The following FREM2 variants were observed in gnomAD, a reference collection of about 807,000 sequenced individuals.
FREM2 encodes FRAS1-related extracellular matrix protein 2.
Under a neutral mutation model 219.9 loss-of-function variants are expected in FREM2, and 119 were observed. The observed-to-expected ratio is 0.54, with a 90% confidence interval of 0.47 to 0.63. FREM2 has a LOEUF of 0.63. Among genes scored for constraint, FREM2 ranks in the 30% least tolerant of loss-of-function variants. The pLI, the probability that FREM2 is intolerant of heterozygous loss-of-function variation, is 0.00. For missense variants in FREM2, 4,030 were observed against 3,993.6 expected (o/e 1.01, Z -0.25); for synonymous variants, 1,562 against 1,522.8 (o/e 1.03, Z -0.60).
intron 6 of FREM2, among the ~76,000 whole-genome samples, chr13:38,818,909 A>G (rs1875883024): frequency 2.0e-5 from 3 of 152,080 alleles, no homozygotes; most frequent in African/African-American, 7.2e-5. Context: ...AAATGCTAGA[A>G]GAAAGGCTTT....
intron 6 of FREM2, among the ~76,000 whole-genome samples, chr13:38,836,641 A>G (rs1876718892): frequency 6.6e-6 from 1 of 152,160 alleles, no homozygotes; most frequent in Non-Finnish European, 1.5e-5. Flanking sequence ...TGGTCTGTTC[A>G]GGGATTTGAA....
At position 38,783,963 on chromosome 13, in the gene FREM2, C is replaced by T. The variant is rs572689166; in HGVS notation, c.5768-594C>T. On this transcript the variant is annotated intron_variant, in intron 5 of 23. Coordinates refer to ENST00000280481, the MANE Select transcript of FREM2 (RefSeq NM_207361.6). The stretch of plus-strand genomic sequence containing the variant: ...TACAAAAATTAACTGGGCATGGTGG[C>T]GCGCACGCGCCTGTAATCTCAGCTA... 1.5e-3 allele frequency among the ~76,000 whole-genome samples: 221 copies of T among 152,300 alleles called. 1 individual carries two copies. Among genetic ancestry groups the T allele is most frequent in the African/African-American group, 5.1e-3 (211 of 41,582 alleles).
intron 2 of FREM2, among the ~76,000 whole-genome samples, chr13:38,733,978 G>A (rs568625057): frequency 5.3e-5 from 8 of 152,170 alleles, no homozygotes; most frequent in African/African-American, 1.9e-4. Flanking sequence ...GAAAAAAATA[G>A]TTCACTTAAA....
chr13:38,687,253 C>T lies in FREM2; in HGVS notation c.-92C>T. On this transcript the variant is annotated 5_prime_UTR_variant, in exon 1 of 24. Transcript: ENST00000280481. ...ACCCCGCGGGCAACGCGCGGAGTTC[C>T]TGGCACTTCCCGGCGGTGTCTCTTG... The T allele has an allele frequency of 6.6e-7, 1 of 1,526,592 alleles. No homozygotes were observed. The highest frequency in any genetic ancestry group is 8.9e-7 in the Non-Finnish European group (1 of 1,126,626). The allele number at this position is 1,526,592 out of a possible 1,614,324, so 94.6% of individuals were successfully genotyped here.
In FREM2 at chr13:38,883,853, G is replaced by A. The variant is rs1456725292; in HGVS notation, c.*3066G>A. 1 of 152,008 alleles carries A rather than the reference G, an allele frequency of 6.6e-6. No individual in the cohort carries two copies. Among genetic ancestry groups the A allele is most frequent in the Non-Finnish European group, 1.5e-5 (1 of 67,992 alleles). The allele number at this position is 152,008 out of a possible 1,614,324, so 9.4% of individuals were successfully genotyped here. ...TTGTTTGTCTAAAAGAGCCCTACTG[G>A]GTATGGATCATTCTGATGACAGATT... is the stretch of plus-strand genomic sequence containing the variant. On this transcript the variant is annotated 3_prime_UTR_variant, in exon 24 of 24. Transcript: ENST00000280481.
intron 2 of FREM2, among the ~76,000 whole-genome samples, chr13:38,754,955 T>C (rs1252856471): frequency 6.7e-6 from 1 of 149,898 alleles, no homozygotes; most frequent in East Asian, 2.0e-4. Context: ...CAGGCTGGAG[T>C]GCAGTGGTAC....
rs375859126 is a variant in FREM2, at chr13:38,876,265, G to A, written c.8427G>A (p.Gly2809=). Residue 2809 remains glycine, a synonymous_variant, in exon 20 of 24, where the codon GGG becomes GGA. Transcript: ENST00000280481. The part of the protein sequence containing the change: ...VSDFAVRDYS[G]TYTVKLVPCT... Reference sequence around the variant, plus strand: ...CCTCAAAGGTACGTGACTACTCAGGGACCTATACTGTGAAGCTGGTGCCAT... The same window carrying A: ...CCTCAAAGGTACGTGACTACTCAGGAACCTATACTGTGAAGCTGGTGCCAT... The A allele has an allele frequency of 6.2e-7, 1 of 1,613,798 alleles. No individual in the cohort carries two copies. Among genetic ancestry groups the A allele is most frequent in the African/African-American group, 1.3e-5 (1 of 74,840 alleles).
chr13:38,835,250 A>G (rs546534173), intron 6 of FREM2, among the ~76,000 whole-genome samples: 2 of 152,296 alleles, frequency 1.3e-5, no homozygotes, highest in African/African-American at 2.4e-5. Context: ...CAAAGATCAG[A>G]TAGTTGTAGA....
In FREM2 at chr13:38,754,882, TGATGATG is replaced by T. The variant is rs879608430; in HGVS notation, c.5264-9421_5264-9415del. Reference sequence around the variant, plus strand: ...AAGATGATGATGATGATGATGATGATGATGATGATGATGATGATGATTATTATTATTA... The same window carrying T: ...AAGATGATGATGATGATGATGATGATATGATGATGATGATTATTATTATTA... On this transcript the variant is annotated intron_variant, in intron 2 of 23. Transcript: ENST00000280481. Among the ~76,000 whole-genome samples the T allele has an allele frequency of 7.1e-3, 659 of 92,646 alleles. 2 individuals carry two copies. The highest frequency in any genetic ancestry group is 8.2e-3 in the Admixed American group (65 of 7,890). The allele number at this position is 92,646 out of a possible 152,430, so 60.8% of individuals were successfully genotyped here. A position where few individuals can be genotyped will look rare whatever the true frequency, so the allele number is the denominator to read the frequency against.
rs1053920361 is a variant in FREM2, at chr13:38,867,764, C to T, written c.7983+3158C>T. On this transcript the variant is annotated intron_variant, in intron 16 of 23. Coordinates refer to ENST00000280481, the MANE Select transcript of FREM2 (RefSeq NM_207361.6). ...CAGGAAAAGAAGAGTGTCCCAGCTC[C>T]GAGAAAGAGAGAGAGATAATTCACA... 4.6e-5 allele frequency among the ~76,000 whole-genome samples: 7 copies of T among 152,138 alleles called. No individual in the cohort carries two copies. The South Asian group carries it at 1.0e-3, about 23-fold the overall frequency.
At chr13:38,847,946 G>A (rs1006027903) in intron 7 of FREM2, among the ~76,000 whole-genome samples, 1 of 152,128 alleles carries the variant, frequency 6.6e-6, no homozygotes, top group Non-Finnish European at 1.5e-5. Flanking sequence ...GACAAAGGTG[G>A]ATGGAGTGTG....
Position 38,688,103 on chromosome 13 carries a change from G to A in FREM2, c.759G>A (p.Leu253=). The change falls in exon 1 of 24, where the codon CTG becomes CTA. Residue 253 remains leucine, a synonymous_variant. Coordinates refer to ENST00000280481, the MANE Select transcript of FREM2 (RefSeq NM_207361.6). ...AGGGAGGCGCCCCGGAGACTCTCCT[G>A]ATGGACTGCAAAGCTTTCCAGGAAC... The part of the protein sequence containing the change: ...AREGGAPETL[L]MDCKAFQELG... 2 of 1,613,010 alleles carry A rather than the reference G, an allele frequency of 1.2e-6. No individual in the cohort carries two copies. Among genetic ancestry groups the A allele is most frequent in the Non-Finnish European group, 8.5e-7 (1 of 1,179,438 alleles).
intron 6 of FREM2, among the ~76,000 whole-genome samples, chr13:38,804,425 AT>A (rs990185538): frequency 5.9e-5 from 9 of 152,020 alleles, no homozygotes; most frequent in African/African-American, 2.2e-4. Flanking sequence ...CATTTAAAAA[AT>A]ATCCAATGTC....
intron 1 of FREM2, among the ~76,000 whole-genome samples, chr13:38,695,489 A>G (rs1394061138): frequency 6.6e-6 from 1 of 152,214 alleles, no homozygotes; most frequent in Non-Finnish European, 1.5e-5. Flanking sequence ...CAATGAAACT[A>G]TCCCTTAACG....
intron 4 of FREM2, among the ~76,000 whole-genome samples, chr13:38,779,890 C>T (rs1345058209): frequency 6.6e-6 from 1 of 152,190 alleles, no homozygotes; most frequent in African/African-American, 2.4e-5. Flanking sequence ...TTGTAACTGG[C>T]CTCCGGGGCC....
At chr13:38,769,480 C>A in intron 3 of FREM2, 98 bp from the exon 4 acceptor site, 1 of 1,105,412 alleles carries the variant, frequency 9.0e-7, no homozygotes, top group Non-Finnish European at 1.4e-6. Context: ...ATCAACTTTG[C>A]TTTTCAGGAT....
At chr13:38,842,464 C>T (rs979090453) in intron 6 of FREM2, among the ~76,000 whole-genome samples, 2 of 152,104 alleles carry the variant, frequency 1.3e-5, no homozygotes, top group Non-Finnish European at 2.9e-5. Flanking sequence ...AGAAGTTCAC[C>T]TTGAGGTGCC....
intron 2 of FREM2, 145 bp downstream of exon 2, chr13:38,697,932 A>G: frequency 2.9e-6 from 2 of 701,326 alleles, no homozygotes; most frequent in Middle Eastern, 2.3e-4. Flanking sequence ...AGACAATTTT[A>G]CAATCTCACT....
At chr13:38,760,587 C>T (rs1370618793) in intron 2 of FREM2, among the ~76,000 whole-genome samples, 3 of 152,002 alleles carry the variant, frequency 2.0e-5, no homozygotes, top group African/African-American at 7.2e-5. Flanking sequence ...AAGAAGTATG[C>T]AAACATTTTA....
Sources: allele counts gnomAD v4.1 joint callset (sites outside exome capture counted in the v4.1 genomes callset), GRCh38; gene constraint gnomAD v4.1.1; transcripts MANE v1.5; gene names NCBI Gene and HGNC (gene_info 2026-07-23, HGNC 2026-07-21).